The following KDM2B variants were observed in gnomAD, a reference collection of about 807,000 sequenced individuals.
KDM2B encodes lysine demethylase 2B.
KDM2B carries 26 observed loss-of-function variants against 150.0 expected under a neutral mutation model. The observed-to-expected ratio is 0.17, with a 90% CI of 0.13 to 0.24. KDM2B has a LOEUF of 0.24. Among genes scored for constraint, KDM2B ranks in the 10% least tolerant of loss-of-function variants. The pLI is 1.00. For missense variants in KDM2B, 1,265 were observed against 1,816.9 expected, an observed-to-expected ratio of 0.70 and a Z score of 5.52; for synonymous variants, 734 against 729.5, an observed-to-expected ratio of 1.01 and a Z score of -0.10.
rs535260526 is a variant in KDM2B at position 121,575,681 on chromosome 12, G to T, written c.350+100C>A. 1.9e-5 allele frequency: 16 copies of T among 857,528 alleles called. No individual in the cohort carries two copies. The highest frequency in any genetic ancestry group is 1.1e-4 in the Admixed American group (6 of 55,908). 53.1% of individuals were successfully genotyped at this position (857,528 alleles called of 1,614,324 possible). ...AGATCGTGAAAAAAGATCCTTCTCA[G>T]TGATGAGAGGTGGGAAGAGGGTGGA... On this transcript the variant is annotated intron_variant, in intron 3 of 22. Transcript: ENST00000377071. The surrounding 1 kb of genome is among the most constrained non-coding windows in gnomAD (Gnocchi z 4.4).
At chr12:121,524,295 G>C (rs1886942778) in intron 8 of KDM2B, among the ~76,000 whole-genome samples, 1 of 152,176 alleles carries the variant, frequency 6.6e-6, no homozygotes, top group Admixed American at 6.5e-5. Context: ...TCGATCACAA[G>C]GGCTCTGGTA....
chr12:121,466,230 G>C (rs1199228496), intron 12 of KDM2B, among the ~76,000 whole-genome samples: 4 of 151,906 alleles, frequency 2.6e-5, no homozygotes, highest in Admixed American at 2.6e-4. Flanking sequence ...ACCCAAGTCC[G>C]TCCAATGCCA....
chr12:121,420,260 TCAG>T, the KDM2B span: 1 of 1,607,308 alleles, frequency 6.2e-7, no homozygotes, highest in Non-Finnish European at 8.5e-7. Flanking sequence ...TGAAATCACT[TCAG>T]CAAACACAGA....
chr12:121,493,685 G>T (rs1555300332), intron 12 of KDM2B, among the ~76,000 whole-genome samples: 1 of 152,068 alleles, frequency 6.6e-6, no homozygotes, highest in Non-Finnish European at 1.5e-5. Flanking sequence ...TTCCTCATCT[G>T]TAAAATGACA....
intron 12 of KDM2B, among the ~76,000 whole-genome samples, chr12:121,454,247 G>A (rs925323802): frequency 1.2e-4 from 19 of 152,320 alleles, no homozygotes; most frequent in Non-Finnish European, 1.9e-4. Context: ...ACCTCTCTAC[G>A]AGCCAGCCTG....
chr12:121,555,242 A>G lies in KDM2B; in HGVS notation c.398-5604T>C, dbSNP rs1370424937. Among the ~76,000 whole-genome samples the G allele has an allele frequency of 4.6e-5, 7 of 152,362 alleles. No homozygotes were observed. The East Asian group carries it at 1.2e-3, about 25-fold the overall frequency. On this transcript the variant is annotated intron_variant, in intron 4 of 22. Transcript: ENST00000377071. ...TATAAAAAATGGATACCAATTTAAA[A>G]TAATGTTTAATCATATCATTTAGTT...
In KDM2B at chr12:121,521,177, G is replaced by A. The variant is rs1218670249; in HGVS notation, c.932-77C>T. Reference sequence around the variant, plus strand: ...CACACCTCACAAGGCTGCAGGGAGGGAGAGCGAGCGTGCAGGAGGGTGCAG... The same window carrying A: ...CACACCTCACAAGGCTGCAGGGAGGAAGAGCGAGCGTGCAGGAGGGTGCAG... On this transcript the variant is annotated intron_variant, in intron 8 of 22. Coordinates refer to ENST00000377071, the MANE Select transcript of KDM2B (RefSeq NM_032590.5). This position sits in a 1 kb window ranked among gnomAD's most constrained non-coding sequence, Gnocchi z 4.9. The A allele has an allele frequency of 5.0e-6, 5 of 1,006,112 alleles. No individual in the cohort carries two copies. The highest frequency in any genetic ancestry group is 7.8e-6 in the Non-Finnish European group (5 of 643,198). 62.3% of individuals were successfully genotyped at this position (1,006,112 alleles called of 1,614,324 possible). A position where few individuals can be genotyped will look rare whatever the true frequency, so the allele number is the denominator to read the frequency against.
rs192668712 is a variant in KDM2B at position 121,464,104 on chromosome 12, G to A, written c.1735-10760C>T. Among the ~76,000 whole-genome samples, 22 of 152,248 alleles carry A rather than the reference G, an allele frequency of 1.4e-4. No homozygotes were observed. In the East Asian group the frequency reaches 4.1e-3, roughly 28 times the overall value. On this transcript the variant is annotated intron_variant, in intron 12 of 22. Coordinates refer to ENST00000377071, the MANE Select transcript of KDM2B (RefSeq NM_032590.5). The stretch of plus-strand genomic sequence containing the variant: ...AATTAGTAGCTGAGTGTGGTGATGC[G>A]TGCCTGTAGTCCTGGCTACTCAGGA...
rs61953504 is a variant in KDM2B at position 121,520,807 on chromosome 12, A to G, written c.1047+178T>C. ...CAGGGCCTCCGGGTGTGGCTCCTAC[A>G]GGCATTCCCCTGCCCCCCCTCCCCC... is the stretch of plus-strand genomic sequence containing the variant. On this transcript the variant is annotated intron_variant, in intron 9 of 22. Coordinates refer to ENST00000377071, the MANE Select transcript of KDM2B (RefSeq NM_032590.5). The surrounding 1 kb of genome is among the most constrained non-coding windows in gnomAD (Gnocchi z 4.5). Among the ~76,000 whole-genome samples, 3,221 of 151,996 alleles carry G rather than the reference A, an allele frequency of 0.021. 49 individuals are homozygous for G. The highest frequency in any genetic ancestry group is 0.027 in the Non-Finnish European group (1,823 of 67,950).
Position 121,549,297 on chromosome 12 carries a change from C to A in KDM2B, c.576+163G>T, listed in dbSNP as rs1555311361. On this transcript the variant is annotated intron_variant, in intron 5 of 22. Transcript: ENST00000377071. The surrounding 1 kb of genome is among the most constrained non-coding windows in gnomAD (Gnocchi z 4.4). ...CTGGGCAACATAGCAAGATCCCTGT[C>A]TCTACAAACCACGTTACCAACCTTA... Among the ~76,000 whole-genome samples, 1 of 152,076 alleles carries A rather than the reference C, an allele frequency of 6.6e-6. No homozygotes were observed. The highest frequency in any genetic ancestry group is 1.9e-4 in the East Asian group (1 of 5,192).
chr12:121,570,907 G>A (rs1891041586), intron 4 of KDM2B, among the ~76,000 whole-genome samples: 1 of 152,128 alleles, frequency 6.6e-6, no homozygotes, highest in Non-Finnish European at 1.5e-5. Context: ...CCAAAAAGTA[G>A]AAACAACCAA....
At chr12:121,509,030 A>G (rs1885341477) in intron 11 of KDM2B, among the ~76,000 whole-genome samples, 1 of 152,146 alleles carries the variant, frequency 6.6e-6, no homozygotes, top group Admixed American at 6.6e-5. Context: ...CGTCAGCCAC[A>G]GAGTGAGGTT....
Position 121,440,843 on chromosome 12 carries a change from G to A in KDM2B, c.3583C>T (p.Leu1195=), listed in dbSNP as rs1174845809. ...GLKDAQMRDL[L]SPPTDNRPGQ... is the part of the protein sequence containing the mutation. The stretch of plus-strand genomic sequence containing the variant: ...GGCCTGTTGTCTGTGGGCGGGGACA[G>A]GAGATCCCGCATCTGGGCATCCTTT... The change falls in exon 21 of 23, where the codon CTG becomes TTG. Residue 1195 remains leucine, a synonymous_variant. Transcript: ENST00000377071. The A allele has an allele frequency of 1.2e-6, 2 of 1,613,584 alleles. No homozygotes were observed. The highest frequency in any genetic ancestry group is 1.7e-6 in the Non-Finnish European group (2 of 1,179,746).
At chr12:121,451,316 A>T (rs1382556971) in intron 13 of KDM2B, among the ~76,000 whole-genome samples, 1 of 152,230 alleles carries the variant, frequency 6.6e-6, no homozygotes, top group Non-Finnish European at 1.5e-5. Context: ...GTGAGAATAC[A>T]GTATATAATA....
rs1472648125 is a variant in KDM2B at position 121,467,962 on chromosome 12, G to A, written c.1735-14618C>T. 1.3e-5 allele frequency: 2 copies of A among 152,776 alleles called. No individual in the cohort carries two copies. The highest frequency in any genetic ancestry group is 2.9e-5 in the Non-Finnish European group (2 of 68,518). The allele number at this position is 152,776 out of a possible 1,614,324, so 9.5% of individuals were successfully genotyped here. On this transcript the variant is annotated intron_variant, in intron 12 of 22. Coordinates refer to ENST00000377071, the MANE Select transcript of KDM2B (RefSeq NM_032590.5). This position sits in a 1 kb window ranked among gnomAD's most constrained non-coding sequence, Gnocchi z 5.1. ...CTCCCCCGACGCGGGCGGTTGGGCT[G>A]GGCCGGCCTCCTGGCGCTGCACCTC...
chr12:121,530,133 C>G (rs1555307604), intron 8 of KDM2B, among the ~76,000 whole-genome samples: 1 of 147,192 alleles, frequency 6.8e-6, no homozygotes. Context: ...GAAGCTGAGG[C>G]AGGAGAATGG....
chr12:121,416,271 G>C, the KDM2B span: 2 of 1,613,982 alleles, frequency 1.2e-6, no homozygotes, highest in Admixed American at 3.3e-5. Context: ...GGTCCATTCA[G>C]ATTTACACCA....
intron 13 of KDM2B, 27 bp from the exon 14 acceptor site, chr12:121,445,445 G>A: frequency 6.4e-7 from 1 of 1,564,648 alleles, no homozygotes; most frequent in Non-Finnish European, 8.7e-7. Flanking sequence ...AACAAGACAA[G>A]TCATCAGGGG....
chr12:121,550,970 A>G (rs1889441698), intron 4 of KDM2B, among the ~76,000 whole-genome samples: 1 of 152,154 alleles, frequency 6.6e-6, no homozygotes, highest in Admixed American at 6.5e-5. Flanking sequence ...ATCGGTTCAC[A>G]TATTGTATAG....
Sources: gnomAD v4.1 joint callset for allele counts (sites outside exome capture counted in the v4.1 genomes callset) on GRCh38, gnomAD v4.1.1 for gene constraint, Gnocchi (gnomAD v3.1) non-coding constraint, MANE v1.5 for transcripts, NCBI Gene and HGNC (gene_info 2026-07-23, HGNC 2026-07-21) for gene names.